Variants in ARGLU1 observed in about 807,000 individuals in gnomAD.
ARGLU1 encodes arginine and glutamate rich 1.
In ARGLU1, 9 loss-of-function variants were observed where a neutral mutation model predicts 37.6. The observed-to-expected ratio is 0.24, with a 90% CI of 0.14 to 0.42. The LOEUF is 0.42. ARGLU1 is among the 10% of genes least tolerant of loss of function. The pLI is 1.00. For missense variants in ARGLU1, 211 were observed against 359.2 expected, an observed-to-expected ratio of 0.59 and a Z score of 3.34; for synonymous variants, 166 against 138.5, an observed-to-expected ratio of 1.20 and a Z score of -1.39.
intron 1 of ARGLU1, among the ~76,000 whole-genome samples, chr13:106,561,428 C>CACGT (rs1355966046): frequency 6.3e-5 from 2 of 31,596 alleles, no homozygotes; most frequent in Non-Finnish European, 1.6e-4. Context: ...AAAGTGTACA[C>CACGT]ACACACACAC....
At position 106,567,837 on chromosome 13, in the gene ARGLU1, C is replaced by T. The variant is rs1566477406; in HGVS notation, c.83G>A (p.Arg28Gln). ...GCGCTCCTTGTCCCGGGATCGCGAC[C>T]GGGACCGGCTGCGCTTCTTGTTGTG... ...SKHNKKRSRS[R>Q]SRSRDKERVR... is the part of the protein sequence containing the mutation. Residue 28 changes from arginine to glutamine, a missense_variant, in exon 1 of 4, where the codon CGG (arginine) becomes CAG (glutamine). Coordinates refer to ENST00000400198, the MANE Select transcript of ARGLU1 (RefSeq NM_018011.4). This position sits in a 1 kb window ranked among gnomAD's most constrained non-coding sequence, Gnocchi z 4.3. The T allele has an allele frequency of 6.2e-7, 1 of 1,613,568 alleles. No individual in the cohort carries two copies. Among genetic ancestry groups the T allele is most frequent in the East Asian group, 2.2e-5 (1 of 44,816 alleles).
intron 3 of ARGLU1, among the ~76,000 whole-genome samples, chr13:106,555,355 CCGTCTCA>C (rs575941650): frequency 8.6e-4 from 131 of 152,122 alleles, no homozygotes; most frequent in African/African-American, 3.0e-3. Context: ...GAGCAAAACT[CCGTCTCA>C]AAAACAAAAC....
At chr13:106,553,610 T>G (rs891792587) in intron 3 of ARGLU1, among the ~76,000 whole-genome samples, 13 of 152,272 alleles carry the variant, frequency 8.5e-5, no homozygotes, top group African/African-American at 2.9e-4. Context: ...TGAAAAACAA[T>G]GGCTTTAGGG....
rs1413275981 is a variant in ARGLU1 at position 106,542,196 on chromosome 13, G to T, written c.*1800C>A. 6.6e-6 allele frequency: 1 copy of T among 151,632 alleles called. No homozygotes were observed. The highest frequency in any genetic ancestry group is 1.5e-5 in the Non-Finnish European group (1 of 67,948). 9.4% of individuals were successfully genotyped at this position (151,632 alleles called of 1,614,324 possible). A position where few individuals can be genotyped will look rare whatever the true frequency, so the allele number is the denominator to read the frequency against. ...TTTTAAGTCCAGGCTACTCTCTTTA[G>T]ATACAATGTTTTGAACACTTGTATA... On this transcript the variant is annotated 3_prime_UTR_variant, in exon 4 of 4. Transcript: ENST00000400198.
rs1880264966 is a variant in ARGLU1, at chr13:106,541,776, A to C, written c.*2220T>G. ...AAACAAAGTCATACTTAATTCTATA[A>C]TGCATTAAGAATAACCTAAAAAAAC... On this transcript the variant is annotated 3_prime_UTR_variant, in exon 4 of 4. Transcript: ENST00000400198. 1 of 152,184 alleles carries C rather than the reference A, an allele frequency of 6.6e-6. No homozygotes were observed. The highest frequency in any genetic ancestry group is 2.1e-4 in the South Asian group (1 of 4,834). The allele number at this position is 152,184 out of a possible 1,614,324, so 9.4% of individuals were successfully genotyped here.
chr13:106,558,236 A>T, intron 2 of ARGLU1: 3 of 984,258 alleles, frequency 3.0e-6, no homozygotes, highest in Non-Finnish European at 3.6e-6. Context: ...CTTCATTATT[A>T]AAAGCACTGA....
intron 3 of ARGLU1, among the ~76,000 whole-genome samples, chr13:106,552,939 T>C (rs1201905724): frequency 1.3e-5 from 2 of 152,206 alleles, no homozygotes; most frequent in Admixed American, 6.5e-5. Flanking sequence ...TAACTACCCA[T>C]GGATTAGAGC....
intron 1 of ARGLU1, among the ~76,000 whole-genome samples, chr13:106,564,825 C>T (rs765701041): frequency 9.9e-5 from 15 of 152,164 alleles, no homozygotes; most frequent in Non-Finnish European, 5.9e-5. Flanking sequence ...ATTCTCTTAT[C>T]CCCTTTCCCT....
chr13:106,550,403 A>T (rs779609056), intron 3 of ARGLU1, among the ~76,000 whole-genome samples: 2 of 152,230 alleles, frequency 1.3e-5, no homozygotes, highest in Non-Finnish European at 2.9e-5. Flanking sequence ...TAAGGTCTTC[A>T]ACCAGCTTTT....
rs1034896674 is a variant in ARGLU1, at chr13:106,567,058, T to A, written c.347+515A>T. ...AAATGCATTTTTCTGGCGGACCACC[T>A]AAAGTGTATGATTCCCGAGATTAGT... On this transcript the variant is annotated intron_variant, in intron 1 of 3. Transcript: ENST00000400198. This position sits in a 1 kb window ranked among gnomAD's most constrained non-coding sequence, Gnocchi z 4.3. Among the ~76,000 whole-genome samples the A allele has an allele frequency of 6.6e-6, 1 of 152,018 alleles. No homozygotes were observed. Among genetic ancestry groups the A allele is most frequent in the Non-Finnish European group, 1.5e-5 (1 of 68,014 alleles).
rs546981591 is a variant in ARGLU1, at chr13:106,568,109, G to A, written c.-190C>T. ...GGCCGCCTCCAACGAGAAACCCGTA[G>A]CGCCAGGCGCCCCTAAGATGGCAGC... On this transcript the variant is annotated 5_prime_UTR_variant, in exon 1 of 4. Coordinates refer to ENST00000400198, the MANE Select transcript of ARGLU1 (RefSeq NM_018011.4). The A allele has an allele frequency of 1.5e-5, 13 of 851,290 alleles. No individual in the cohort carries two copies. The highest frequency in any genetic ancestry group is 6.3e-5 in the East Asian group (2 of 31,572). 52.7% of individuals were successfully genotyped at this position (851,290 alleles called of 1,614,324 possible).
At chr13:106,554,233 C>T (rs1487629774) in intron 3 of ARGLU1, among the ~76,000 whole-genome samples, 1 of 152,192 alleles carries the variant, frequency 6.6e-6, no homozygotes, top group African/African-American at 2.4e-5. Flanking sequence ...CACTTAATGG[C>T]TTGTCTACTT....
intron 3 of ARGLU1, among the ~76,000 whole-genome samples, chr13:106,556,286 C>G (rs905557361): frequency 1.4e-4 from 22 of 152,174 alleles, no homozygotes; most frequent in African/African-American, 5.1e-4. Flanking sequence ...ATCCATTGTG[C>G]CATGCTCACT....
intron 3 of ARGLU1, among the ~76,000 whole-genome samples, chr13:106,550,894 T>A (rs941156024): frequency 2.6e-5 from 4 of 152,232 alleles, no homozygotes; most frequent in African/African-American, 4.8e-5. Flanking sequence ...AACACCTTCC[T>A]TCATCGTGTC....
chr13:106,554,206 GTTAAA>G lies in ARGLU1; in HGVS notation c.657+2837_657+2841del, dbSNP rs1273157206. 7.2e-5 allele frequency among the ~76,000 whole-genome samples: 11 copies of G among 152,276 alleles called. No homozygotes were observed. The East Asian group carries it at 1.2e-3, about 16-fold the overall frequency. On this transcript the variant is annotated intron_variant, in intron 3 of 3. Transcript: ENST00000400198. ...GGAGTTGTCTTTGTTTCCAAAATAT[GTTAAA>G]TTATTTTAAAGCACTTAATGGCTTG...
At chr13:106,554,194 T>A (rs933991578) in intron 3 of ARGLU1, among the ~76,000 whole-genome samples, 3 of 152,236 alleles carry the variant, frequency 2.0e-5, no homozygotes, top group African/African-American at 7.2e-5. Context: ...GTTGTCTTTG[T>A]TTCCAAAATA....
rs139614219 is a variant in ARGLU1, at chr13:106,554,294, G to T, written c.657+2754C>A. Among the ~76,000 whole-genome samples the T allele has an allele frequency of 2.0e-5, 3 of 152,160 alleles. No individual in the cohort carries two copies. The East Asian group carries it at 5.8e-4, about 29-fold the overall frequency. On this transcript the variant is annotated intron_variant, in intron 3 of 3. Transcript: ENST00000400198. The stretch of plus-strand genomic sequence containing the variant: ...TAGATTTTAGCAAACAGTTACCTTT[G>T]ATCACCCTTCATCATTCATCACTTT...
chr13:106,552,947 A>G (rs1342424240), intron 3 of ARGLU1, among the ~76,000 whole-genome samples: 1 of 152,232 alleles, frequency 6.6e-6, no homozygotes, highest in African/African-American at 2.4e-5. Flanking sequence ...CATGGATTAG[A>G]GCACTTAATG....
rs1429478622 is a variant in ARGLU1 at position 106,543,385 on chromosome 13, G to A, written c.*611C>T. The A allele has an allele frequency of 6.6e-6, 1 of 152,398 alleles. No individual in the cohort carries two copies. Among genetic ancestry groups the A allele is most frequent in the African/African-American group, 2.4e-5 (1 of 41,376 alleles). The allele number at this position is 152,398 out of a possible 1,614,324, so 9.4% of individuals were successfully genotyped here. ...ATTTATTTACACAATGGGGAATGCT[G>A]GTTTGATTTTGTCAATGAAATAAAA... On this transcript the variant is annotated 3_prime_UTR_variant, in exon 4 of 4. Coordinates refer to ENST00000400198, the MANE Select transcript of ARGLU1 (RefSeq NM_018011.4).
Sources: gnomAD v4.1 joint callset for allele counts (sites outside exome capture counted in the v4.1 genomes callset) on GRCh38, gnomAD v4.1.1 for gene constraint, Gnocchi (gnomAD v3.1) non-coding constraint, MANE v1.5 for transcripts, NCBI Gene and HGNC (gene_info 2026-07-23, HGNC 2026-07-21) for gene names.